The following MIDEAS variants were observed in gnomAD, a reference collection of about 807,000 sequenced individuals.
MIDEAS encodes the protein mitotic deacetylase associated SANT domain protein.
Under a neutral mutation model 102.7 loss-of-function variants are expected in MIDEAS, and 26 were observed. That is an observed-to-expected ratio of 0.25 (90% CI 0.19 to 0.35). MIDEAS has a LOEUF of 0.35. Ranked by LOEUF, MIDEAS falls within the 10% of genes least tolerant of loss-of-function variation. MIDEAS has a pLI of 1.00. For synonymous variants in MIDEAS, 585 were observed against 591.0 expected (o/e 0.99, Z 0.15); for missense variants, 1,231 against 1,435.6 (o/e 0.86, Z 2.30).
At chr14:73,754,663 G>C (rs1239361042) in intron 1 of MIDEAS, among the ~76,000 whole-genome samples, 1 of 152,164 alleles carries the variant, frequency 6.6e-6, no homozygotes, top group Non-Finnish European at 1.5e-5. Flanking sequence ...TCTGGAATTA[G>C]GACTATGACC....
chr14:73,769,720 G>C (rs537503782), intron 1 of MIDEAS, among the ~76,000 whole-genome samples: 1 of 152,066 alleles, frequency 6.6e-6, no homozygotes, highest in Admixed American at 6.6e-5. Context: ...TTCTGCCTCA[G>C]CCTCCCGAGT....
intron 1 of MIDEAS, among the ~76,000 whole-genome samples, chr14:73,773,334 T>C (rs940248650): frequency 6.6e-6 from 1 of 151,826 alleles, no homozygotes; most frequent in Admixed American, 6.6e-5. Flanking sequence ...GTAATACAAT[T>C]GATTTTCCAG....
chr14:73,750,148 G>A (rs2053403590), intron 1 of MIDEAS, among the ~76,000 whole-genome samples: 1 of 152,142 alleles, frequency 6.6e-6, no homozygotes, highest in South Asian at 2.1e-4. Context: ...CTACAAATTC[G>A]AATCCATGCT....
chr14:73,774,093 A>C (rs1336928578), intron 1 of MIDEAS, among the ~76,000 whole-genome samples: 1 of 151,514 alleles, frequency 6.6e-6, no homozygotes, highest in Non-Finnish European at 1.5e-5. Flanking sequence ...CCACTCCTCC[A>C]CAGGTCTCTC....
Position 73,729,685 on chromosome 14 carries a change from G to T in MIDEAS, c.2050C>A (p.Pro684Thr), listed in dbSNP as rs745900276. ...TGGGCACTCTTAGGCGTGATGGGAG[G>T]AGGGGCAGGGATGGTGCTGGTTGAT... ...IISTSTIPAP[P>T]PITPKSAHRT... The change falls in exon 4 of 13, where the codon CCT becomes ACT. Residue 684 changes from proline to threonine, a missense_variant. Pro to Thr is a conservative substitution (Grantham distance 38). This residue lies in a region of MIDEAS where 391 missense variants were observed against 483.0 expected (regional missense o/e 0.81). Coordinates refer to ENST00000423556, the MANE Select transcript of MIDEAS (RefSeq NM_001367710.1). 1 of 1,613,834 alleles carries T rather than the reference G, an allele frequency of 6.2e-7. No individual in the cohort carries two copies. The highest frequency in any genetic ancestry group is 1.1e-5 in the South Asian group (1 of 91,074).
intron 1 of MIDEAS, among the ~76,000 whole-genome samples, chr14:73,784,587 C>G (rs1042067693): frequency 2.0e-5 from 3 of 152,210 alleles, no homozygotes; most frequent in Non-Finnish European, 2.9e-5. Flanking sequence ...GCTTTGGGAT[C>G]AGAAGGGAAC....
chr14:73,720,766 T>A (rs1010831397), intron 11 of MIDEAS, among the ~76,000 whole-genome samples: 1 of 152,082 alleles, frequency 6.6e-6, no homozygotes, highest in Non-Finnish European at 1.5e-5. Flanking sequence ...CTTTCCCCCA[T>A]CTGCAGAGTA....
At position 73,725,029 on chromosome 14, in the gene MIDEAS, T is replaced by C. The variant is rs2053041945; in HGVS notation, c.2574+243A>G. On this transcript the variant is annotated intron_variant, in intron 9 of 12. Coordinates refer to ENST00000423556, the MANE Select transcript of MIDEAS (RefSeq NM_001367710.1). This position sits in a 1 kb window ranked among gnomAD's most constrained non-coding sequence, Gnocchi z 4.1. Reference sequence around the variant, plus strand: ...AAGTCTGATGCCCACTTAGGCCTCCTTCTGGATTGAGACCCCAGAGCTTGG... The same window carrying C: ...AAGTCTGATGCCCACTTAGGCCTCCCTCTGGATTGAGACCCCAGAGCTTGG... 5.0e-6 allele frequency: 2 copies of C among 396,560 alleles called. No individual in the cohort carries two copies. Among genetic ancestry groups the C allele is most frequent in the Admixed American group, 3.7e-5 (1 of 27,222 alleles). The allele number at this position is 396,560 out of a possible 1,614,324, so 24.6% of individuals were successfully genotyped here.
chr14:73,756,287 T>TGC (rs1462045604), intron 1 of MIDEAS, among the ~76,000 whole-genome samples: 173 of 99,702 alleles, frequency 1.7e-3, no homozygotes, highest in African/African-American at 6.2e-3. Context: ...TGTGTGTGTG[T>TGC]GTGTGTGTGC....
At chr14:73,772,821 G>GTC (rs1566609082) in intron 1 of MIDEAS, among the ~76,000 whole-genome samples, 1 of 143,900 alleles carries the variant, frequency 6.9e-6, no homozygotes, top group East Asian at 1.9e-4. Flanking sequence ...GTGTGTGTGT[G>GTC]TGTGTGTGTG....
chr14:73,729,957 C>T lies in MIDEAS; in HGVS notation c.1778G>A (p.Gly593Glu). Residue 593 changes from glycine to glutamate, a missense_variant, in exon 4 of 13, where the codon GGG becomes GAG. Gly to Glu is a moderately conservative substitution (Grantham distance 98). This residue lies in a region of MIDEAS where 758 missense variants were observed against 856.0 expected (regional missense o/e 0.89). Coordinates refer to ENST00000423556, the MANE Select transcript of MIDEAS (RefSeq NM_001367710.1). Reference protein sequence around the residue: ...QAEDMNVKLEGEPSVRKPKQR... With the variant: ...QAEDMNVKLEEEPSVRKPKQR... ...CTTTGGTTTCCGCACGGAAGGCTCC[C>T]CCTCCAACTTGACATTCATGTCCTC... 1 of 1,599,836 alleles carries T rather than the reference C, an allele frequency of 6.3e-7. No homozygotes were observed. The highest frequency in any genetic ancestry group is 2.2e-5 in the East Asian group (1 of 44,556).
At chr14:73,756,334 C>T (rs2053484110) in intron 1 of MIDEAS, among the ~76,000 whole-genome samples, 1 of 151,414 alleles carries the variant, frequency 6.6e-6, no homozygotes, top group Non-Finnish European at 1.5e-5. Context: ...GGAGGGTGAT[C>T]TGGATTCCAA....
Position 73,738,969 on chromosome 14 carries a change from C to T in MIDEAS, c.1040G>A (p.Arg347His), listed in dbSNP as rs774165358. 1.7e-5 allele frequency: 26 copies of T among 1,531,026 alleles called. No homozygotes were observed. Among genetic ancestry groups the T allele is most frequent in the Admixed American group, 6.3e-5 (3 of 47,370 alleles). The allele number at this position is 1,531,026 out of a possible 1,614,324, so 94.8% of individuals were successfully genotyped here. ...QVQIPFPRRS[R>H]RLSKEGILPP... ...CAGGATACCCTCCTTAGAGAGGCGG[C>T]GGGAGCGGCGGGGGAAGGGGATCTG... The change falls in exon 2 of 13, where the codon CGC becomes CAC. Residue 347 changes from arginine (R) to histidine (H), a missense_variant. Physicochemically the swap from Arg to His is conservative, Grantham distance 29. This residue lies in a region of MIDEAS where 758 missense variants were observed against 856.0 expected (regional missense o/e 0.89). Coordinates refer to ENST00000423556, the MANE Select transcript of MIDEAS (RefSeq NM_001367710.1).
At chr14:73,726,154 G>C (rs889677689) in intron 7 of MIDEAS, 46 bp from the exon 8 acceptor site, 15 of 1,440,628 alleles carry the variant, frequency 1.0e-5, no homozygotes, top group African/African-American at 1.4e-5. Context: ...CAGGGGTGTC[G>C]GTGGTGGACG....
chr14:73,758,736 C>T (rs755535451), intron 1 of MIDEAS: 1 of 154,498 alleles, frequency 6.5e-6, no homozygotes, highest in African/African-American at 2.4e-5. Flanking sequence ...ATCTTCTCAC[C>T]AGCTCTCGCT....
intron 1 of MIDEAS, among the ~76,000 whole-genome samples, chr14:73,786,826 C>T (rs1344627674): frequency 6.6e-6 from 1 of 151,910 alleles, no homozygotes. Flanking sequence ...AAAGCCCCTT[C>T]CCCCCACCCT....
At position 73,742,839 on chromosome 14, in the gene MIDEAS, A is replaced by G. The variant is rs535413532; in HGVS notation, c.-247-2584T>C. ...GGAAGATACTGGCAGCCTGGGAGGA[A>G]GGGTGAAGAGGCACACCTAGGCAGC... is the stretch of plus-strand genomic sequence containing the variant. On this transcript the variant is annotated intron_variant, in intron 1 of 12. Coordinates refer to ENST00000423556, the MANE Select transcript of MIDEAS (RefSeq NM_001367710.1). This position sits in a 1 kb window ranked among gnomAD's most constrained non-coding sequence, Gnocchi z 4.4. Among the ~76,000 whole-genome samples, 1 of 152,256 alleles carries G rather than the reference A, an allele frequency of 6.6e-6. No homozygotes were observed. Among genetic ancestry groups the G allele is most frequent in the East Asian group, 1.9e-4 (1 of 5,172 alleles).
rs549960706 is a variant in MIDEAS, at chr14:73,725,424, T to C, written c.2486-64A>G. 4.7e-3 allele frequency: 6,509 copies of C among 1,388,520 alleles called. 31 individuals carry two copies. The highest frequency in any genetic ancestry group is 4.7e-3 in the Non-Finnish European group (4,630 of 977,730). The allele number at this position is 1,388,520 out of a possible 1,614,324, so 86.0% of individuals were successfully genotyped here. On this transcript the variant is annotated intron_variant, in intron 8 of 12. Transcript: ENST00000423556. This position sits in a 1 kb window ranked among gnomAD's most constrained non-coding sequence, Gnocchi z 4.1. The stretch of plus-strand genomic sequence containing the variant: ...GGGCCCTGGCCACTGCAGGGCAATT[T>C]TGACAAGCAAAAAAGTGTGAGGCCA...
At chr14:73,729,365 T>C (rs537128892) in intron 4 of MIDEAS, among the ~76,000 whole-genome samples, 1 of 152,322 alleles carries the variant, frequency 6.6e-6, no homozygotes, top group East Asian at 1.9e-4. Context: ...ATCTTAATAC[T>C]GAAAAAACTG....
Sources: gnomAD v4.1 joint callset for allele counts (sites outside exome capture counted in the v4.1 genomes callset) on GRCh38, gnomAD v4.1.1 for gene constraint, gnomAD v4.1.1 regional missense constraint, Gnocchi (gnomAD v3.1) non-coding constraint, MANE v1.5 for transcripts, NCBI Gene and HGNC (gene_info 2026-07-23, HGNC 2026-07-21) for gene names.